Variants in NACC2 observed in about 807,000 individuals in gnomAD.
NACC2 encodes the protein nucleus accumbens-associated protein 2.
NACC2 carries 8 observed loss-of-function variants against 25.1 expected under a neutral mutation model. The observed-to-expected ratio is 0.32, with a 90% CI of 0.19 to 0.57. The LOEUF is 0.57. Ranked by LOEUF, NACC2 falls within the 20% of genes least tolerant of loss-of-function variation. The pLI, the probability that NACC2 is intolerant of heterozygous loss-of-function variation, is 0.89. For missense variants in NACC2, 644 were observed against 650.2 expected (o/e 0.99, Z 0.10); for synonymous variants, 435 against 294.7 (o/e 1.48, Z -4.88).
In NACC2 at chr9:136,011,894, G is replaced by T. The variant is rs148472581; in HGVS notation, c.1386C>A (p.Gly462=). The T allele has an allele frequency of 1.3e-6, 2 of 1,579,532 alleles. No individual in the cohort carries two copies. The highest frequency in any genetic ancestry group is 1.1e-5 in the South Asian group (1 of 87,420). The change falls in exon 6 of 6, where the codon GGC becomes GGA. Residue 462 remains glycine (G), a synonymous_variant. Coordinates refer to ENST00000277554, the MANE Select transcript of NACC2 (RefSeq NM_144653.5). ...LPKIKSMLPE[G]VEMYRTVMGS... Reference sequence around the variant, plus strand: ...CCATGACCGTGCGGTACATCTCCACGCCCTCCGGCAGCATGGACTTGATCT... The same window carrying T: ...CCATGACCGTGCGGTACATCTCCACTCCCTCCGGCAGCATGGACTTGATCT...
chr9:136,075,097 C>T (rs777598365), intron 1 of NACC2, among the ~76,000 whole-genome samples: 15 of 152,262 alleles, frequency 9.9e-5, no homozygotes, highest in Non-Finnish European at 1.9e-4. Flanking sequence ...CCGATTCCAC[C>T]TTGTCCTCAA....
At chr9:136,063,883 CA>C (rs11315582) in intron 1 of NACC2, among the ~76,000 whole-genome samples, 44,418 of 127,396 alleles carry the variant, frequency 0.35, 6,986 homozygotes, top group South Asian at 0.56. Flanking sequence ...GACTCCATCT[CA>C]AAAAAAAAAA....
intron 2 of NACC2, among the ~76,000 whole-genome samples, chr9:136,048,561 C>T (rs1840762440): frequency 6.6e-6 from 1 of 152,242 alleles, no homozygotes; most frequent in African/African-American, 2.4e-5. Context: ...CAGCAATATA[C>T]ATTTAAACCA....
In NACC2 at chr9:136,009,678, G is replaced by A. The variant is rs1190134727; in HGVS notation, c.*1838C>T. The A allele has an allele frequency of 1.3e-5, 2 of 152,326 alleles. No individual in the cohort carries two copies. Among genetic ancestry groups the A allele is most frequent in the Admixed American group, 1.3e-4 (2 of 15,290 alleles). 9.4% of individuals were successfully genotyped at this position (152,326 alleles called of 1,614,324 possible). On this transcript the variant is annotated 3_prime_UTR_variant, in exon 6 of 6. Transcript: ENST00000277554. ...GGGGTGGGCTTCGGGGCAGAAAGGA[G>A]CCGCCCAGTGGGAATGCGTCTAACC...
Position 136,011,338 on chromosome 9 carries a change from G to T in NACC2, c.*178C>A. 1 of 692,258 alleles carries T rather than the reference G, an allele frequency of 1.4e-6. No individual in the cohort carries two copies. The highest frequency in any genetic ancestry group is 2.0e-6 in the Non-Finnish European group (1 of 489,940). The allele number at this position is 692,258 out of a possible 1,614,324, so 42.9% of individuals were successfully genotyped here. A position where few individuals can be genotyped will look rare whatever the true frequency, so the allele number is the denominator to read the frequency against. ...GCTGCCAGTGGCCTAATTGTTTACA[G>T]TATAATGAATGCATTTGTTTCCTTC... On this transcript the variant is annotated 3_prime_UTR_variant, in exon 6 of 6. Coordinates refer to ENST00000277554, the MANE Select transcript of NACC2 (RefSeq NM_144653.5).
intron 3 of NACC2, among the ~76,000 whole-genome samples, chr9:136,014,178 A>C (rs1325390036): frequency 6.6e-6 from 1 of 152,018 alleles, no homozygotes; most frequent in African/African-American, 2.4e-5. Flanking sequence ...GCAGGTCCCA[A>C]ATCACACATG....
At position 136,055,522 on chromosome 9, in the gene NACC2, C is replaced by T. The variant is rs944297580; in HGVS notation, c.-59-4942G>A. 6.6e-6 allele frequency among the ~76,000 whole-genome samples: 1 copy of T among 152,326 alleles called. No individual in the cohort carries two copies. The highest frequency in any genetic ancestry group is 2.4e-5 in the African/African-American group (1 of 41,572). ...GTCTGAGGGCCTCGCCCAGAGTCCCCAGAAACCCTGCCCCCTCCACCCCTA... is the reference window on the plus strand; with the variant it reads ...GTCTGAGGGCCTCGCCCAGAGTCCCTAGAAACCCTGCCCCCTCCACCCCTA... On this transcript the variant is annotated intron_variant, in intron 1 of 5. Coordinates refer to ENST00000277554, the MANE Select transcript of NACC2 (RefSeq NM_144653.5). This position sits in a 1 kb window ranked among gnomAD's most constrained non-coding sequence, Gnocchi z 4.9.
chr9:136,032,157 G>A (rs1010112992), intron 2 of NACC2, among the ~76,000 whole-genome samples: 4 of 152,208 alleles, frequency 2.6e-5, no homozygotes, highest in South Asian at 2.1e-4. Flanking sequence ...CTGGAGAGCC[G>A]TCCAAAAGGA....
intron 1 of NACC2, among the ~76,000 whole-genome samples, chr9:136,060,342 G>A (rs759382659): frequency 2.0e-5 from 3 of 152,356 alleles, no homozygotes; most frequent in South Asian, 2.1e-4. Context: ...CCCTGGAGCC[G>A]GCTGGGCTGC....
intron 1 of NACC2, among the ~76,000 whole-genome samples, chr9:136,078,195 G>T (rs1830283070): frequency 6.6e-6 from 1 of 152,112 alleles, no homozygotes. Context: ...CATCCCCAAG[G>T]CCGGGTGCAT....
At chr9:136,063,469 C>G (rs1364961731) in intron 1 of NACC2, among the ~76,000 whole-genome samples, 1 of 152,228 alleles carries the variant, frequency 6.6e-6, no homozygotes, top group Non-Finnish European at 1.5e-5. Context: ...TTACGTTTGA[C>G]CTGTGGCCGA....
chr9:136,015,505 G>A (rs777276264), intron 3 of NACC2, among the ~76,000 whole-genome samples: 23 of 152,338 alleles, frequency 1.5e-4, no homozygotes, highest in South Asian at 6.2e-4. Context: ...CCCTCAGGCA[G>A]TGGCTCACAC....
chr9:136,043,342 C>T (rs1194966956), intron 2 of NACC2, among the ~76,000 whole-genome samples: 3 of 152,212 alleles, frequency 2.0e-5, no homozygotes, highest in Non-Finnish European at 4.4e-5. Context: ...GCTTATTCAA[C>T]CTGTGAAACG....
intron 1 of NACC2, among the ~76,000 whole-genome samples, chr9:136,092,106 G>A (rs774464877): frequency 4.6e-5 from 7 of 152,208 alleles, no homozygotes; most frequent in Non-Finnish European, 1.0e-4. Flanking sequence ...GGGGCCCAGT[G>A]GGGAGACAAG....
At chr9:136,025,972 G>A (rs1840380776) in intron 2 of NACC2, among the ~76,000 whole-genome samples, 1 of 152,042 alleles carries the variant, frequency 6.6e-6, no homozygotes, top group Non-Finnish European at 1.5e-5. Flanking sequence ...TTATTTAGGG[G>A]AAAATTAAAT....
At chr9:136,081,938 C>T (rs1225113315) in intron 1 of NACC2, among the ~76,000 whole-genome samples, 1 of 152,186 alleles carries the variant, frequency 6.6e-6, no homozygotes, top group Non-Finnish European at 1.5e-5. Flanking sequence ...CCCCGAAACC[C>T]CAGGGCTCCT....
intron 1 of NACC2, among the ~76,000 whole-genome samples, chr9:136,091,846 A>C (rs1053513759): frequency 2.6e-5 from 4 of 151,844 alleles, no homozygotes; most frequent in Non-Finnish European, 2.9e-5. Flanking sequence ...AAAAAAACCA[A>C]CAACAACAAC....
At chr9:136,087,937 G>A (rs1830395727) in intron 1 of NACC2, among the ~76,000 whole-genome samples, 2 of 139,674 alleles carry the variant, frequency 1.4e-5, no homozygotes, top group South Asian at 2.1e-4. Context: ...TTCCCACCCC[G>A]GGGACTCTGC....
intron 1 of NACC2, among the ~76,000 whole-genome samples, chr9:136,065,892 C>T (rs936168847): frequency 2.0e-5 from 3 of 151,434 alleles, no homozygotes; most frequent in Non-Finnish European, 4.4e-5. Context: ...TCAAAGAATA[C>T]CATAAAGAAA....
Sources: allele counts gnomAD v4.1 joint callset (sites outside exome capture counted in the v4.1 genomes callset), GRCh38; gene constraint gnomAD v4.1.1; non-coding constraint Gnocchi (gnomAD v3.1); transcripts MANE v1.5; gene names NCBI Gene and HGNC (gene_info 2026-07-23, HGNC 2026-07-21).